The following CACNA2D3 variants were observed in gnomAD, a reference collection of about 807,000 sequenced individuals.
CACNA2D3 encodes voltage-dependent calcium channel subunit alpha-2/delta-3.
CACNA2D3 carries 60 observed loss-of-function variants against 160.6 expected under a neutral mutation model. The ratio of observed to expected loss-of-function variants is 0.37; its 90% CI spans 0.30 to 0.46. CACNA2D3 has a LOEUF of 0.46. Ranked by LOEUF, CACNA2D3 falls within the 20% of genes least tolerant of loss-of-function variation. CACNA2D3 has a pLI of 1.00. For missense variants in CACNA2D3, 1,205 were observed against 1,365.0 expected, an observed-to-expected ratio of 0.88 and a Z score of 1.85; for synonymous variants, 558 against 492.9, an observed-to-expected ratio of 1.13 and a Z score of -1.75.
chr3:54,313,643 G>A (rs759542622), intron 2 of CACNA2D3, among the ~76,000 whole-genome samples: 1 of 152,076 alleles, frequency 6.6e-6, no homozygotes, highest in Non-Finnish European at 1.5e-5. Context: ...CCAGTGCAGT[G>A]GGGGCAGTGA....
intron 2 of CACNA2D3, among the ~76,000 whole-genome samples, chr3:54,246,552 G>A (rs1702082383): frequency 6.7e-6 from 1 of 149,236 alleles, no homozygotes. Flanking sequence ...AATTAGCCGG[G>A]CGTGGTTGCG....
chr3:54,675,465 G>A (rs539713223), intron 11 of CACNA2D3, among the ~76,000 whole-genome samples: 1 of 152,218 alleles, frequency 6.6e-6, no homozygotes, highest in African/African-American at 2.4e-5. Context: ...GTTGACAGAG[G>A]AAAAAAGTGG....
intron 4 of CACNA2D3, among the ~76,000 whole-genome samples, chr3:54,484,237 C>G (rs919892108): frequency 6.6e-6 from 1 of 152,112 alleles, no homozygotes; most frequent in Non-Finnish European, 1.5e-5. Context: ...TTGGAAAATT[C>G]TAAATATGTC....
chr3:54,925,082 A>C lies in CACNA2D3; in HGVS notation c.2449+25214A>C, dbSNP rs1406058545. The C allele has an allele frequency of 2.5e-6, 4 of 1,614,116 alleles. No individual in the cohort carries two copies. The highest frequency in any genetic ancestry group is 3.4e-6 in the Non-Finnish European group (4 of 1,180,016). ...GCAGCGTTCGAGTCTGAGGAGGTAA[A>C]TGGGAAGGGATTTCGGCCAGACCCT... On this transcript the variant is annotated intron_variant, in intron 27 of 37. Transcript: ENST00000474759.
intron 5 of CACNA2D3, among the ~76,000 whole-genome samples, chr3:54,545,465 CT>C: frequency 6.6e-6 from 1 of 152,272 alleles, no homozygotes; most frequent in African/African-American, 2.4e-5. Context: ...ACATTTTCCC[CT>C]TTTTCATTGT....
At chr3:54,540,443 A>G (rs779222219) in intron 5 of CACNA2D3, among the ~76,000 whole-genome samples, 13 of 152,224 alleles carry the variant, frequency 8.5e-5, no homozygotes, top group Non-Finnish European at 1.6e-4. Flanking sequence ...TTTGAATTTG[A>G]TATTATTTTT....
At chr3:54,968,387 A>T (rs1267895983) in intron 27 of CACNA2D3, 63 bp from the exon 28 acceptor site, 1 of 1,114,966 alleles carries the variant, frequency 9.0e-7, no homozygotes, top group East Asian at 2.5e-5. Flanking sequence ...ATTTTCAACG[A>T]TAATCTTAAA....
chr3:54,373,311 T>C (rs986442423), intron 3 of CACNA2D3, among the ~76,000 whole-genome samples: 7 of 152,156 alleles, frequency 4.6e-5, no homozygotes, highest in African/African-American at 1.7e-4. Flanking sequence ...GACTTTCCCT[T>C]AGAGAAGTAA....
At chr3:54,123,013 G>A (rs1408023449) in intron 1 of CACNA2D3, among the ~76,000 whole-genome samples, 178 bp downstream of exon 1, 2 of 152,208 alleles carry the variant, frequency 1.3e-5, no homozygotes, top group Non-Finnish European at 2.9e-5. Context: ...GGGATGCTCT[G>A]GCCCCTGCCC....
chr3:54,944,718 G>A (rs1339352685), intron 27 of CACNA2D3, among the ~76,000 whole-genome samples: 1 of 152,182 alleles, frequency 6.6e-6, no homozygotes, highest in Non-Finnish European at 1.5e-5. Context: ...ACCGCGCCCA[G>A]CCTCCAAGAG....
At chr3:54,514,683 A>C (rs1289240259) in intron 5 of CACNA2D3, among the ~76,000 whole-genome samples, 1 of 152,024 alleles carries the variant, frequency 6.6e-6, no homozygotes, top group Non-Finnish European at 1.5e-5. Flanking sequence ...GCCTGGGTGA[A>C]CTGGGAAGGT....
chr3:54,586,780 A>T (rs1453967751), intron 9 of CACNA2D3, among the ~76,000 whole-genome samples: 1 of 152,224 alleles, frequency 6.6e-6, no homozygotes, highest in Non-Finnish European at 1.5e-5. Context: ...GGGTCATAGT[A>T]GAAACCTTAA....
chr3:54,616,203 G>GC (rs1698846390), intron 9 of CACNA2D3, among the ~76,000 whole-genome samples: 2 of 152,198 alleles, frequency 1.3e-5, no homozygotes, highest in African/African-American at 4.8e-5. Flanking sequence ...CTGGCTCAGG[G>GC]TCTCTAGTGA....
intron 35 of CACNA2D3, among the ~76,000 whole-genome samples, chr3:55,030,823 T>C (rs1031146430): frequency 1.3e-5 from 2 of 152,208 alleles, no homozygotes; most frequent in Non-Finnish European, 2.9e-5. Flanking sequence ...TTGCTATCTT[T>C]ACTTGCTCTT....
In CACNA2D3 at chr3:54,454,950, T is replaced by G. The variant is rs552547696; in HGVS notation, c.382-48542T>G. On this transcript the variant is annotated intron_variant, in intron 4 of 37. Transcript: ENST00000474759. ...TTCTTTCTTATTTAAGGCTGACTTG[T>G]ATATAAATGTGTATACATTCCACAT... Among the ~76,000 whole-genome samples, 23 of 152,308 alleles carry G rather than the reference T, an allele frequency of 1.5e-4. No individual in the cohort carries two copies. The South Asian group carries it at 4.6e-3, about 30-fold the overall frequency.
chr3:54,822,790 C>CCTTTCTTTCTTT lies in CACNA2D3; in HGVS notation c.1398+5953_1398+5964dup, dbSNP rs71096453. On this transcript the variant is annotated intron_variant, in intron 14 of 37. Coordinates refer to ENST00000474759, the MANE Select transcript of CACNA2D3 (RefSeq NM_018398.3). ...TCTTTCTTTCTTTCTTTCTTTCTTTCCTTTCTTTCTTTCTTTCTTTCTTTC... is the reference window on the plus strand; with the variant it reads ...TCTTTCTTTCTTTCTTTCTTTCTTTCCTTTCTTTCTTTCTTTCTTTCTTTCTTTCTTTCTTTC... Among the ~76,000 whole-genome samples the CCTTTCTTTCTTT allele has an allele frequency of 4.1e-3, 292 of 71,884 alleles. 4 individuals carry two copies. Among genetic ancestry groups the CCTTTCTTTCTTT allele is most frequent in the East Asian group, 7.0e-3 (15 of 2,156 alleles). 47.2% of individuals were successfully genotyped at this position (71,884 alleles called of 152,430 possible).
intron 4 of CACNA2D3, among the ~76,000 whole-genome samples, chr3:54,500,779 C>A (rs1379840248): frequency 6.6e-6 from 1 of 152,048 alleles, no homozygotes; most frequent in Non-Finnish European, 1.5e-5. Flanking sequence ...TAATTTAAGT[C>A]CACTTCAAAT....
intron 4 of CACNA2D3, among the ~76,000 whole-genome samples, chr3:54,499,894 T>A (rs982326019): frequency 6.6e-6 from 1 of 152,172 alleles, no homozygotes. Flanking sequence ...ATTCTATAAA[T>A]GTAAATTAGA....
At chr3:54,711,578 C>A (rs1700952072) in intron 11 of CACNA2D3, among the ~76,000 whole-genome samples, 1 of 152,192 alleles carries the variant, frequency 6.6e-6, no homozygotes, top group South Asian at 2.1e-4. Context: ...AAATGGGTCA[C>A]ATGTTTATGC....
Sources: allele counts gnomAD v4.1 joint callset (sites outside exome capture counted in the v4.1 genomes callset), GRCh38; gene constraint gnomAD v4.1.1; transcripts MANE v1.5; gene names NCBI Gene and HGNC (gene_info 2026-07-23, HGNC 2026-07-21).